The following MCM3AP variants were observed in gnomAD, a reference collection of about 807,000 sequenced individuals.
MCM3AP encodes the protein minichromosome maintenance complex component 3 associated protein.
Under a neutral mutation model 184.1 loss-of-function variants are expected in MCM3AP, and 126 were observed. That is an observed-to-expected ratio of 0.68 (90% CI 0.59 to 0.79). The LOEUF is 0.79. MCM3AP is among the 30% of genes least tolerant of loss of function. The pLI is 0.00. For synonymous variants in MCM3AP, 1,002 were observed against 979.3 expected (o/e 1.02, Z -0.43); for missense variants, 2,496 against 2,479.2 (o/e 1.01, Z -0.14).
At chr21:46,261,151 G>T in intron 14 of MCM3AP, 129 bp downstream of exon 14, 1 of 1,206,416 alleles carries the variant, frequency 8.3e-7, no homozygotes, top group Non-Finnish European at 1.2e-6. Flanking sequence ...GCATAGGAGG[G>T]CATGAGTGGG....
intron 23 of MCM3AP, among the ~76,000 whole-genome samples, chr21:46,244,080 T>C (rs1313278418): frequency 6.6e-6 from 1 of 152,270 alleles, no homozygotes; most frequent in Non-Finnish European, 1.5e-5. Context: ...GGGCTTGTGC[T>C]GAGTGGTTTG....
chr21:46,274,637 G>C (rs971345671), intron 6 of MCM3AP, among the ~76,000 whole-genome samples: 1 of 151,992 alleles, frequency 6.6e-6, no homozygotes, highest in Non-Finnish European at 1.5e-5. Context: ...GAATAAGATC[G>C]TAAAAAGAAA....
intron 9 of MCM3AP, chr21:46,267,804 G>C (rs2081132416): frequency 6.6e-6 from 1 of 152,484 alleles, no homozygotes; most frequent in Non-Finnish European, 1.5e-5. Context: ...GGCTAAAGTG[G>C]GAGGACTGCT....
chr21:46,249,172 G>C (rs1229115696), intron 20 of MCM3AP, among the ~76,000 whole-genome samples: 2 of 152,026 alleles, frequency 1.3e-5, no homozygotes, highest in Non-Finnish European at 2.9e-5. Context: ...AGGTGACAGT[G>C]GAGCAAAACT....
chr21:46,259,904 CAAAAAAAAA>C (rs58993039), intron 15 of MCM3AP, among the ~76,000 whole-genome samples: 14,105 of 80,290 alleles, frequency 0.18, 885 homozygotes, highest in Middle Eastern at 0.26. Context: ...AACTCCATTT[CAAAAAAAAA>C]AAAAAAAAAA....
At chr21:46,264,805 T>C (rs1344004269) in intron 12 of MCM3AP, among the ~76,000 whole-genome samples, 2 of 150,776 alleles carry the variant, frequency 1.3e-5, no homozygotes, top group Admixed American at 1.3e-4. Flanking sequence ...ACCCCAGCCA[T>C]GCCCATCAGG....
At position 46,261,397 on chromosome 21, in the gene MCM3AP, G is replaced by A. The variant is rs759021661; in HGVS notation, c.3350C>T (p.Ala1117Val). 5 of 1,614,020 alleles carry A rather than the reference G, an allele frequency of 3.1e-6. No individual in the cohort carries two copies. The highest frequency in any genetic ancestry group is 4.5e-5 in the East Asian group (2 of 44,866). ...TGCAGCTGTTAACAAATCCTCCATAGCAGCATTAGAAACACTAAACGGAGC... is the reference window on the plus strand; with the variant it reads ...TGCAGCTGTTAACAAATCCTCCATAACAGCATTAGAAACACTAAACGGAGC... ...AAAALGVSNA[A>V]MEDLLTAATT... The change falls in exon 14 of 28, where the codon GCT becomes GTT. Residue 1117 changes from alanine (A) to valine (V), a missense_variant. By Grantham distance (64) the Ala-to-Val change is moderately conservative. This residue lies in a region of MCM3AP where 1,323 missense variants were observed against 1,273.4 expected (regional missense o/e 1.04). Transcript: ENST00000291688.
intron 12 of MCM3AP, 52 bp downstream of exon 12, chr21:46,265,269 T>G: frequency 6.4e-7 from 1 of 1,557,248 alleles, no homozygotes; most frequent in Non-Finnish European, 8.8e-7. Flanking sequence ...CTAAGGACGT[T>G]TGCGCACAAT....
intron 25 of MCM3AP, 83 bp from the exon 26 acceptor site, chr21:46,241,100 C>T (rs1046029572): frequency 5.9e-6 from 6 of 1,014,864 alleles, no homozygotes; most frequent in Non-Finnish European, 4.5e-6. Flanking sequence ...TACATTTGCA[C>T]ATGTGCATTA....
intron 20 of MCM3AP, chr21:46,247,092 A>G: frequency 1.8e-6 from 1 of 544,114 alleles, no homozygotes; most frequent in South Asian, 2.8e-5. Context: ...TCTTTCCCTA[A>G]ATCCAATTGT....
At position 46,243,100 on chromosome 21, in the gene MCM3AP, TCACA is replaced by T. The variant is rs1371470253; in HGVS notation, c.5297-173_5297-170del. Reference sequence around the variant, plus strand: ...TTAAGTGCAAGACCTTTGATTAAAGTCACACAATTATGTGACTTCCACACTTGGG... The same window carrying T: ...TTAAGTGCAAGACCTTTGATTAAAGTCAATTATGTGACTTCCACACTTGGG... On this transcript the variant is annotated intron_variant, in intron 24 of 27. Transcript: ENST00000291688. The T allele has an allele frequency of 1.7e-5, 11 of 650,790 alleles. No homozygotes were observed. The African/African-American group carries it at 1.8e-4, about 11-fold the overall frequency. The allele number at this position is 650,790 out of a possible 1,614,324, so 40.3% of individuals were successfully genotyped here. A position where few individuals can be genotyped will look rare whatever the true frequency, so the allele number is the denominator to read the frequency against.
chr21:46,246,950 G>A (rs1030621111), intron 20 of MCM3AP, 64 bp from the exon 21 acceptor site: 108 of 1,554,082 alleles, frequency 6.9e-5, no homozygotes, highest in Non-Finnish European at 8.1e-5. Context: ...TGACTGATCT[G>A]CCCCAGAGCA....
intron 17 of MCM3AP, 196 bp downstream of exon 17, chr21:46,256,592 CA>C: frequency 1.6e-6 from 1 of 631,404 alleles, no homozygotes; most frequent in South Asian, 2.1e-5. Context: ...GCCAGTGGAA[CA>C]AGTCACATGT....
In MCM3AP at chr21:46,284,897, T is replaced by C. The variant is rs1474118804; in HGVS notation, c.390A>G (p.Glu130=). 6.2e-7 allele frequency: 1 copy of C among 1,614,242 alleles called. No individual in the cohort carries two copies. The highest frequency in any genetic ancestry group is 1.7e-5 in the Admixed American group (1 of 60,030). The change falls in exon 1 of 28, where the codon GAA becomes GAG. Residue 130 remains glutamate, a synonymous_variant. Coordinates refer to ENST00000291688, the MANE Select transcript of MCM3AP (RefSeq NM_003906.5). Reference sequence around the variant, plus strand: ...AACCAGAGTTCACTATTTCTCCAGCTTCTTGTCCAAAAGCAGAAGTGCTTG... The same window carrying C: ...AACCAGAGTTCACTATTTCTCCAGCCTCTTGTCCAAAAGCAGAAGTGCTTG... ...AFPSTSAFGQ[E]AGEIVNSGFG...
At position 46,277,641 on chromosome 21, in the gene MCM3AP, AG is replaced by A; in HGVS notation, c.1743del (p.Ser582ProfsTer14). ...AGCACACATGGCCCGAGGCCCTCGG[AG>A]CCCTCGGAGGCTGAGTCAAAAGAGT... ...EGDSFDSASE[G>X]SEGLGPCVLS... On this transcript the variant is annotated frameshift_variant, in exon 5 of 28. Coordinates refer to ENST00000291688, the MANE Select transcript of MCM3AP (RefSeq NM_003906.5). LOFTEE classifies it high-confidence loss of function. 6.2e-7 allele frequency: 1 copy of A among 1,611,668 alleles called. No individual in the cohort carries two copies. Among genetic ancestry groups the A allele is most frequent in the Non-Finnish European group, 8.5e-7 (1 of 1,178,888 alleles).
chr21:46,242,699 C>T, intron 25 of MCM3AP, 103 bp downstream of exon 25: 1 of 1,176,096 alleles, frequency 8.5e-7, no homozygotes, highest in African/African-American at 1.5e-5. Context: ...CACAGTCTGC[C>T]CACAGTGGAC....
chr21:46,252,759 C>G (rs1465916391), intron 19 of MCM3AP: 1 of 152,060 alleles, frequency 6.6e-6, no homozygotes, highest in Non-Finnish European at 1.5e-5. Flanking sequence ...TTGCAAAACC[C>G]TGTGAATATA....
At chr21:46,270,687 C>A in intron 8 of MCM3AP, 124 bp from the exon 9 acceptor site, 1 of 852,908 alleles carries the variant, frequency 1.2e-6, no homozygotes, top group East Asian at 2.7e-5. Context: ...ACCTGTAATC[C>A]CAAAACGTGG....
Position 46,273,561 on chromosome 21 carries a change from C to G in MCM3AP, c.2023G>C (p.Glu675Gln), listed in dbSNP as rs140176771. 3.7e-6 allele frequency: 6 copies of G among 1,613,858 alleles called. No homozygotes were observed. ...DQVDHAAAVK[E>Q]YSRSSADQEE... ...TGATCCGCCGAGGACCGACTGTACT[C>G]TTTCACAGCTGCTGCGTGGTCCACC... The change falls in exon 7 of 28, where the codon GAG becomes CAG. Residue 675 changes from glutamate to glutamine, a missense_variant. By Grantham distance (29) the Glu-to-Gln change is conservative. Coordinates refer to ENST00000291688, the MANE Select transcript of MCM3AP (RefSeq NM_003906.5).
Sources: gnomAD v4.1 joint callset for allele counts (sites outside exome capture counted in the v4.1 genomes callset) on GRCh38, gnomAD v4.1.1 for gene constraint, gnomAD v4.1.1 regional missense constraint, MANE v1.5 for transcripts, NCBI Gene and HGNC (gene_info 2026-07-23, HGNC 2026-07-21) for gene names.